SMYD3: variants seen among roughly 807,000 people sequenced by gnomAD.
The protein encoded by SMYD3 is SET and MYND domain containing 3, also known as histone-lysine N-methyltransferase SMYD3.
A neutral mutation model predicts 57.7 loss-of-function variants in SMYD3; 36 were observed. The ratio of observed to expected loss-of-function variants is 0.62; its 90% CI spans 0.48 to 0.82. The LOEUF (loss-of-function observed/expected upper bound fraction) is 0.82. Among genes scored for constraint, SMYD3 ranks in the 40% least tolerant of loss-of-function variants. The probability of loss-of-function intolerance (pLI) is 0.00; values close to 1 mark genes in which losing one functional copy is unlikely to be tolerated. For missense variants in SMYD3, 515 were observed against 538.8 expected (o/e 0.96, Z 0.44); for synonymous variants, 211 against 195.0 (o/e 1.08, Z -0.68).
chr1:245,764,977 C>T (rs2046009363), intron 10 of SMYD3, among the ~76,000 whole-genome samples: 1 of 151,346 alleles, frequency 6.6e-6, no homozygotes, highest in Non-Finnish European at 1.5e-5. Context: ...CCCAATACCC[C>T]CTACCCCTAC....
At chr1:246,115,843 T>C (rs1036916249) in intron 5 of SMYD3, among the ~76,000 whole-genome samples, 1 of 152,144 alleles carries the variant, frequency 6.6e-6, no homozygotes, top group East Asian at 1.9e-4. Flanking sequence ...TCAATAAGAA[T>C]TAATTGTAAT....
chr1:246,133,804 A>T (rs574466731), intron 5 of SMYD3, among the ~76,000 whole-genome samples: 28 of 152,314 alleles, frequency 1.8e-4, no homozygotes, highest in Admixed American at 1.8e-3. Context: ...AAAAAGCTTG[A>T]AAACATTTCA....
intron 5 of SMYD3, among the ~76,000 whole-genome samples, chr1:245,999,640 G>A (rs2059000878): frequency 1.3e-5 from 2 of 152,134 alleles, no homozygotes; most frequent in South Asian, 4.1e-4. Flanking sequence ...GGATAGGGAT[G>A]TATAAACAAT....
intron 1 of SMYD3, among the ~76,000 whole-genome samples, chr1:246,483,234 C>G (rs2068135863): frequency 6.6e-6 from 1 of 152,184 alleles, no homozygotes; most frequent in Non-Finnish European, 1.5e-5. Flanking sequence ...AAGAGTTAAG[C>G]TGTTGATAAG....
At chr1:246,032,961 A>G (rs1374711728) in intron 5 of SMYD3, among the ~76,000 whole-genome samples, 1 of 152,198 alleles carries the variant, frequency 6.6e-6, no homozygotes, top group African/African-American at 2.4e-5. Flanking sequence ...AAGAATGATA[A>G]TCATGAATGC....
chr1:246,237,906 C>A (rs1324208276), intron 5 of SMYD3, among the ~76,000 whole-genome samples: 1 of 152,030 alleles, frequency 6.6e-6, no homozygotes, highest in African/African-American at 2.4e-5. Context: ...ATTAAATTAC[C>A]CTTTAAATGT....
chr1:245,818,912 C>T lies in SMYD3; in HGVS notation c.1076+39584G>A, dbSNP rs1248589074. Among the ~76,000 whole-genome samples, 66 of 100,534 alleles carry T rather than the reference C, an allele frequency of 6.6e-4. 1 individual carries two copies. Among genetic ancestry groups the T allele is most frequent in the African/African-American group, 2.7e-3 (63 of 22,916 alleles). 66.0% of individuals were successfully genotyped at this position (100,534 alleles called of 152,430 possible). Reference sequence around the variant, plus strand: ...CATAAAGCAAGTCCTGAGTGACCTGCAAAGAGACTTAGACTCCCACACATT... The same window carrying T: ...CATAAAGCAAGTCCTGAGTGACCTGTAAAGAGACTTAGACTCCCACACATT... On this transcript the variant is annotated intron_variant, in intron 10 of 11. Transcript: ENST00000490107.
intron 11 of SMYD3, among the ~76,000 whole-genome samples, chr1:245,754,374 G>A (rs1276977451): frequency 6.6e-6 from 1 of 151,870 alleles, no homozygotes; most frequent in Non-Finnish European, 1.5e-5. Flanking sequence ...AAATCAGAGG[G>A]AAAAGAAATG....
intron 5 of SMYD3, among the ~76,000 whole-genome samples, chr1:246,237,244 A>G (rs1032198043): frequency 6.6e-6 from 1 of 152,138 alleles, no homozygotes; most frequent in East Asian, 1.9e-4. Context: ...GTCTATCAAA[A>G]AAACTATGCC....
At chr1:245,976,118 AGGGAAAGCCATCGTCTCCG>A (rs2058417195) in intron 5 of SMYD3, among the ~76,000 whole-genome samples, 2 of 40,444 alleles carry the variant, frequency 4.9e-5, no homozygotes, top group Admixed American at 2.4e-4. Flanking sequence ...TCTCTAGCCC[AGGGAAAGCCATCGTCTCCG>A]GCCCAGGGAA....
At chr1:245,927,482 A>G (rs2056449977) in intron 7 of SMYD3, among the ~76,000 whole-genome samples, 1 of 152,216 alleles carries the variant, frequency 6.6e-6, no homozygotes, top group Non-Finnish European at 1.5e-5. Context: ...CAAAGTTAAC[A>G]TGCATCATTA....
intron 5 of SMYD3, among the ~76,000 whole-genome samples, chr1:246,041,941 C>T (rs1202871391): frequency 1.3e-5 from 2 of 152,160 alleles, no homozygotes; most frequent in African/African-American, 4.8e-5. Context: ...CTCTGAAACA[C>T]TTTTTCTAAC....
At chr1:246,230,486 T>C (rs2063393992) in intron 5 of SMYD3, among the ~76,000 whole-genome samples, 1 of 152,204 alleles carries the variant, frequency 6.6e-6, no homozygotes. Flanking sequence ...TCCTATCTTG[T>C]GCATTGCCAA....
At chr1:246,455,483 A>C (rs1202709318) in intron 1 of SMYD3, among the ~76,000 whole-genome samples, 8 of 152,228 alleles carry the variant, frequency 5.3e-5, no homozygotes, top group Non-Finnish European at 1.0e-4. Context: ...TCATTGAGCT[A>C]TTACCAAATG....
At chr1:246,309,478 A>G (rs2065038974) in intron 5 of SMYD3, among the ~76,000 whole-genome samples, 1 of 152,200 alleles carries the variant, frequency 6.6e-6, no homozygotes, top group African/African-American at 2.4e-5. Context: ...ATGCCCCTGA[A>G]AACACTATCC....
intron 5 of SMYD3, among the ~76,000 whole-genome samples, chr1:246,119,342 C>T (rs1330544117): frequency 6.6e-6 from 1 of 151,886 alleles, no homozygotes; most frequent in African/African-American, 2.4e-5. Context: ...ATCTTTCTGC[C>T]ACTGTAGTTG....
chr1:246,114,776 C>T (rs529672910), intron 5 of SMYD3, among the ~76,000 whole-genome samples: 7 of 152,210 alleles, frequency 4.6e-5, no homozygotes, highest in African/African-American at 9.6e-5. Flanking sequence ...GGATTACAGG[C>T]GCCCGCCACC....
At chr1:246,048,589 C>T (rs936783126) in intron 5 of SMYD3, among the ~76,000 whole-genome samples, 10 of 152,050 alleles carry the variant, frequency 6.6e-5, no homozygotes, top group Non-Finnish European at 1.2e-4. Context: ...ATATAGTATA[C>T]AGTAGTAAGG....
intron 1 of SMYD3, among the ~76,000 whole-genome samples, chr1:246,490,780 T>C (rs2068257026): frequency 6.6e-6 from 1 of 152,090 alleles, no homozygotes; most frequent in African/African-American, 2.4e-5. Context: ...GGTGGGAGGA[T>C]CGTTTGAGTC....
Sources: gnomAD v4.1 joint callset for allele counts (sites outside exome capture counted in the v4.1 genomes callset) on GRCh38, gnomAD v4.1.1 for gene constraint, MANE v1.5 for transcripts, NCBI Gene and HGNC (gene_info 2026-07-23, HGNC 2026-07-21) for gene names.